TGM6: variants seen among roughly 807,000 people sequenced by gnomAD.
TGM6 encodes protein-glutamine gamma-glutamyltransferase 6.
TGM6 carries 74 observed loss-of-function variants against 77.5 expected under a neutral mutation model. The ratio of observed to expected loss-of-function variants is 0.96; its 90% CI spans 0.79 to 1.16. TGM6 has a LOEUF of 1.16. TGM6 is among the 50% of genes most tolerant of loss of function. TGM6 has a pLI of 0.00. For missense variants in TGM6, 968 were observed against 940.2 expected (o/e 1.03, Z -0.39); for synonymous variants, 383 against 378.9 (o/e 1.01, Z -0.12).
At position 2,399,654 on chromosome 20, in the gene TGM6, G is replaced by C; in HGVS notation, c.766G>C (p.Ala256Pro). ...CCCGCTGCACTGGCGCGGCAGCGTG[G>C]CCATTCTGCAGAAGTGGCTCAAGGG... ...TSPLHWRGSV[A>P]ILQKWLKGRY... is the part of the protein sequence containing the mutation. Residue 256 changes from alanine (A) to proline (P), a missense_variant, in exon 6 of 13, where the codon GCC becomes CCC. Transcript: ENST00000202625. 6.2e-7 allele frequency: 1 copy of C among 1,613,894 alleles called. No homozygotes were observed.
At chr20:2,385,353 G>A (rs1044719394) in intron 1 of TGM6, among the ~76,000 whole-genome samples, 17 of 152,188 alleles carry the variant, frequency 1.1e-4, no homozygotes, top group Admixed American at 5.9e-4. Flanking sequence ...GCACTCTCTC[G>A]GCTGGGGAGG....
chr20:2,410,521 G>C (rs1458879045), intron 9 of TGM6, among the ~76,000 whole-genome samples: 13 of 152,154 alleles, frequency 8.5e-5, no homozygotes, highest in Non-Finnish European at 1.5e-4. Flanking sequence ...GAAACCTAAG[G>C]CTGGGGCCAG....
chr20:2,400,335 G>A lies in TGM6; in HGVS notation c.880G>A (p.Val294Ile). ...VLRCLGIATR[V>I]VSNFNSAHDT... ...CAGGTGCTTGGGGATAGCCACACGG[G>A]TCGTGTCCAACTTCAACTCAGCCCA... Residue 294 changes from valine to isoleucine, a missense_variant, in exon 7 of 13, where the codon GTC becomes ATC. Coordinates refer to ENST00000202625, the MANE Select transcript of TGM6 (RefSeq NM_198994.3). 1 of 1,614,230 alleles carries A rather than the reference G, an allele frequency of 6.2e-7. No homozygotes were observed. Among genetic ancestry groups the A allele is most frequent in the Non-Finnish European group, 8.5e-7 (1 of 1,180,038 alleles).
In TGM6 at chr20:2,396,579, A is replaced by T; in HGVS notation, c.498A>T (p.Arg166=). ...TCAGCGACAGCGGCATCATCTTCCGAGGCGTGGAGAAGCACATACGAGCCC... is the reference window on the plus strand; with the variant it reads ...TCAGCGACAGCGGCATCATCTTCCGTGGCGTGGAGAAGCACATACGAGCCC... ...YVLSDSGIIF[R]GVEKHIRAQG... is the part of the protein sequence containing the mutation. The change falls in exon 4 of 13, where the codon CGA becomes CGT. Residue 166 remains arginine, a synonymous_variant. Coordinates refer to ENST00000202625, the MANE Select transcript of TGM6 (RefSeq NM_198994.3). 1 of 1,614,186 alleles carries T rather than the reference A, an allele frequency of 6.2e-7. No individual in the cohort carries two copies. The highest frequency in any genetic ancestry group is 8.5e-7 in the Non-Finnish European group (1 of 1,180,028).
chr20:2,381,782 G>A (rs1045747427), intron 1 of TGM6, among the ~76,000 whole-genome samples: 5 of 152,206 alleles, frequency 3.3e-5, no homozygotes, highest in Admixed American at 3.3e-4. Context: ...GCTAGGCATG[G>A]TGGGGAACAC....
At chr20:2,388,170 A>G (rs971529420) in intron 1 of TGM6, among the ~76,000 whole-genome samples, 3 of 152,206 alleles carry the variant, frequency 2.0e-5, no homozygotes, top group African/African-American at 7.2e-5. Context: ...TATTGAAAGA[A>G]GAGTATGTGG....
chr20:2,400,370 C>A lies in TGM6; in HGVS notation c.915C>A (p.Asp305Glu). The A allele has an allele frequency of 6.2e-7, 1 of 1,614,202 alleles. No individual in the cohort carries two copies. The highest frequency in any genetic ancestry group is 8.5e-7 in the Non-Finnish European group (1 of 1,180,040). ...VSNFNSAHDT[D>E]QNLSVDKYVD... Reference sequence around the variant, plus strand: ...ACTTCAACTCAGCCCACGACACAGACCAGAACCTGAGTGTGGACAAATACG... The same window carrying A: ...ACTTCAACTCAGCCCACGACACAGAACAGAACCTGAGTGTGGACAAATACG... Residue 305 changes from aspartate (D) to glutamate (E), a missense_variant, in exon 7 of 13, where the codon GAC becomes GAA. Transcript: ENST00000202625.
At chr20:2,418,115 G>A (rs2084831407) in intron 10 of TGM6, among the ~76,000 whole-genome samples, 2 of 151,930 alleles carry the variant, frequency 1.3e-5, no homozygotes, top group South Asian at 4.2e-4. Context: ...CGGGTTCAAG[G>A]GCTTCTCTTG....
At chr20:2,395,172 G>A in intron 2 of TGM6, 22 bp from the exon 3 acceptor site, 1 of 1,610,262 alleles carries the variant, frequency 6.2e-7, no homozygotes, top group Non-Finnish European at 8.5e-7. Flanking sequence ...AGGGTCTCCT[G>A]ATTCCCTCTC....
intron 9 of TGM6, among the ~76,000 whole-genome samples, chr20:2,416,863 A>T (rs2084819652): frequency 6.6e-6 from 1 of 152,140 alleles, no homozygotes; most frequent in African/African-American, 2.4e-5. Flanking sequence ...TTGAGGAGTT[A>T]CTTTACTTCC....
intron 10 of TGM6, 152 bp from the exon 11 acceptor site, chr20:2,430,294 T>C: frequency 3.8e-6 from 4 of 1,054,538 alleles, no homozygotes; most frequent in Non-Finnish European, 5.7e-6. Context: ...TTAGGTTTCT[T>C]CATCTGAGAA....
At chr20:2,386,536 C>T (rs1481047352) in intron 1 of TGM6, among the ~76,000 whole-genome samples, 1 of 152,100 alleles carries the variant, frequency 6.6e-6, no homozygotes. Flanking sequence ...AAGAGCTTGG[C>T]TCAGCAGAAG....
In TGM6 at chr20:2,403,500, G is replaced by A. The variant is rs1462087978; in HGVS notation, c.1093G>A (p.Gly365Ser). The A allele has an allele frequency of 3.1e-6, 5 of 1,614,012 alleles. No homozygotes were observed. Among genetic ancestry groups the A allele is most frequent in the Non-Finnish European group, 4.2e-6 (5 of 1,180,042 alleles). The change falls in exon 8 of 13, where the codon GGT becomes AGT. Residue 365 changes from glycine (G) to serine (S), a missense_variant and splice_region_variant. By Grantham distance (56) the Gly-to-Ser change is moderately conservative. Transcript: ENST00000202625. ...TGCCACCCCCCAGGAGGAGAGTGAA[G>A]GTACGCTCAATTGGGTGGGGTAAGT... ...LDATPQEESE[G>S]VFRCGPASVT... is the part of the protein sequence containing the mutation.
chr20:2,417,001 CATT>C (rs1248741770), intron 9 of TGM6, among the ~76,000 whole-genome samples: 1 of 152,166 alleles, frequency 6.6e-6, no homozygotes, highest in Non-Finnish European at 1.5e-5. Context: ...TGCTAGCTAT[CATT>C]ATTATCTGAG....
chr20:2,407,583 C>T (rs1350706191), intron 9 of TGM6, among the ~76,000 whole-genome samples: 1 of 152,194 alleles, frequency 6.6e-6, no homozygotes, highest in Non-Finnish European at 1.5e-5. Context: ...TACGTCACTA[C>T]ACTCCAGGCT....
chr20:2,430,887 C>A lies in TGM6; in HGVS notation c.1834-7C>A. On this transcript the variant is annotated splice_polypyrimidine_tract_variant and splice_region_variant and intron_variant, in intron 11 of 12. Coordinates refer to ENST00000202625, the MANE Select transcript of TGM6 (RefSeq NM_198994.3). ...GCGCGATGGCTCATGGGTGTTGTCCCCTTCAGGTTCTGGGCCCAGCCATGG... is the reference window on the plus strand; with the variant it reads ...GCGCGATGGCTCATGGGTGTTGTCCACTTCAGGTTCTGGGCCCAGCCATGG... 1 of 1,614,106 alleles carries A rather than the reference C, an allele frequency of 6.2e-7. No homozygotes were observed. The highest frequency in any genetic ancestry group is 1.1e-5 in the South Asian group (1 of 91,076).
chr20:2,430,669 C>T, intron 11 of TGM6, 69 bp downstream of exon 11: 1 of 1,609,802 alleles, frequency 6.2e-7, no homozygotes, highest in Middle Eastern at 1.9e-4. Flanking sequence ...GGGAGGGCGT[C>T]AGAAGCTGGG....
At chr20:2,432,321 T>C (rs2084928795) in intron 12 of TGM6, among the ~76,000 whole-genome samples, 169 bp from the exon 13 acceptor site, 1 of 152,144 alleles carries the variant, frequency 6.6e-6, no homozygotes, top group Non-Finnish European at 1.5e-5. Flanking sequence ...GTGCTGGGAT[T>C]ACAGGAGTGA....
At chr20:2,422,549 A>T (rs1188269917) in intron 10 of TGM6, among the ~76,000 whole-genome samples, 1 of 152,216 alleles carries the variant, frequency 6.6e-6, no homozygotes, top group African/African-American at 2.4e-5. Flanking sequence ...TATTTACATT[A>T]TACTGTAGTC....
Sources: allele counts gnomAD v4.1 joint callset (sites outside exome capture counted in the v4.1 genomes callset), GRCh38; gene constraint gnomAD v4.1.1; transcripts MANE v1.5; gene names NCBI Gene and HGNC (gene_info 2026-07-23, HGNC 2026-07-21).